MTUS2: variants seen among roughly 807,000 people sequenced by gnomAD.
The protein encoded by MTUS2 is microtubule associated scaffold protein 2, also known as microtubule-associated tumor suppressor candidate 2.
MTUS2 carries 40 observed loss-of-function variants against 114.1 expected under a neutral mutation model. The ratio of observed to expected loss-of-function variants is 0.35; its 90% CI spans 0.27 to 0.46. The LOEUF (loss-of-function observed/expected upper bound fraction) is 0.46, where lower values mean the gene tolerates loss of function less well. Ranked by LOEUF, MTUS2 falls within the 20% of genes least tolerant of loss-of-function variation. The probability of loss-of-function intolerance (pLI) is 1.00; values close to 1 mark genes in which losing one functional copy is unlikely to be tolerated. For synonymous variants in MTUS2, 688 were observed against 672.0 expected, an observed-to-expected ratio of 1.02 and a Z score of -0.37; for missense variants, 1,679 against 1,705.4, an observed-to-expected ratio of 0.98 and a Z score of 0.27.
chr13:29,069,761 G>A (rs1226216483), intron 4 of MTUS2, among the ~76,000 whole-genome samples: 1 of 152,192 alleles, frequency 6.6e-6, no homozygotes, highest in Non-Finnish European at 1.5e-5. Flanking sequence ...GAAGCGTATG[G>A]CCCTTGCAAT....
At chr13:29,365,435 C>T (rs1870620653) in intron 8 of MTUS2, among the ~76,000 whole-genome samples, 4 of 151,964 alleles carry the variant, frequency 2.6e-5, no homozygotes, top group African/African-American at 7.3e-5. Context: ...AGATACCTGA[C>T]CAAGGTGAAA....
intron 2 of MTUS2, among the ~76,000 whole-genome samples, chr13:28,903,748 A>G (rs1323394318): frequency 2.6e-5 from 4 of 152,102 alleles, no homozygotes; most frequent in Non-Finnish European, 4.4e-5. Context: ...TTATAGCAGC[A>G]TGATTTATAA....
chr13:29,256,327 C>T (rs1897282119), intron 5 of MTUS2, among the ~76,000 whole-genome samples: 1 of 152,214 alleles, frequency 6.6e-6, no homozygotes, highest in Non-Finnish European at 1.5e-5. Flanking sequence ...TGGGGCATCT[C>T]ATCCTGGGCT....
At chr13:29,070,077 A>G (rs998612653) in intron 4 of MTUS2, among the ~76,000 whole-genome samples, 2 of 152,322 alleles carry the variant, frequency 1.3e-5, no homozygotes, top group South Asian at 2.1e-4. Context: ...GGTAGATGGA[A>G]TCTCATGCTG....
intron 8 of MTUS2, among the ~76,000 whole-genome samples, chr13:29,410,448 A>G (rs1410941833): frequency 6.6e-6 from 1 of 152,176 alleles, no homozygotes; most frequent in African/African-American, 2.4e-5. Flanking sequence ...GTTGCAGCCA[A>G]GTAGGTGAGA....
In MTUS2 at chr13:28,831,799, C is replaced by G. The variant is rs568085158; in HGVS notation, c.-315-7979C>G. ...TGAGACAGAGTCTCACTCTGCTGCT[C>G]AGGCTGGAGTGCAGTGGTGCCATCT... On this transcript the variant is annotated intron_variant, in intron 1 of 15. Transcript: ENST00000612955. Among the ~76,000 whole-genome samples the G allele has an allele frequency of 3.3e-5, 5 of 151,556 alleles. No individual in the cohort carries two copies. The East Asian group carries it at 5.9e-4, about 18-fold the overall frequency.
At chr13:28,924,156 G>C (rs1881200373) in intron 2 of MTUS2, among the ~76,000 whole-genome samples, 1 of 152,210 alleles carries the variant, frequency 6.6e-6, no homozygotes, top group African/African-American at 2.4e-5. Context: ...TTCTGCTTTT[G>C]GGAGGGGGGT....
chr13:29,046,679 A>G (rs1410326448), intron 4 of MTUS2, among the ~76,000 whole-genome samples: 3 of 152,174 alleles, frequency 2.0e-5, no homozygotes, highest in East Asian at 1.9e-4. Flanking sequence ...TTTCTCTTCA[A>G]ATAACTGGAT....
chr13:29,095,614 C>T (rs1220045828), intron 4 of MTUS2, among the ~76,000 whole-genome samples: 1 of 152,006 alleles, frequency 6.6e-6, no homozygotes, highest in Non-Finnish European at 1.5e-5. Context: ...TATGATGTTG[C>T]ACTTAATGAT....
At chr13:29,163,799 A>G (rs757556806) in intron 5 of MTUS2, among the ~76,000 whole-genome samples, 1 of 152,156 alleles carries the variant, frequency 6.6e-6, no homozygotes, top group Non-Finnish European at 1.5e-5. Flanking sequence ...CCTATGCATG[A>G]GACACTTTTT....
chr13:29,299,936 A>G (rs1309612345), intron 6 of MTUS2, among the ~76,000 whole-genome samples: 1 of 152,110 alleles, frequency 6.6e-6, no homozygotes, highest in Non-Finnish European at 1.5e-5. Context: ...GTCCAGTAAA[A>G]TTCATTGGAA....
chr13:28,953,302 A>G (rs1324728435), intron 2 of MTUS2, among the ~76,000 whole-genome samples: 1 of 152,024 alleles, frequency 6.6e-6, no homozygotes, highest in Non-Finnish European at 1.5e-5. Context: ...TGAGGTCAGT[A>G]GTTTGAGACC....
chr13:29,340,655 A>G (rs956219271), intron 7 of MTUS2, among the ~76,000 whole-genome samples: 3 of 152,012 alleles, frequency 2.0e-5, no homozygotes, highest in Non-Finnish European at 4.4e-5. Flanking sequence ...TTTATTTTTT[A>G]AAATTATTTC....
At chr13:29,373,352 A>G (rs1181310901) in intron 8 of MTUS2, among the ~76,000 whole-genome samples, 1 of 152,150 alleles carries the variant, frequency 6.6e-6, no homozygotes, top group Non-Finnish European at 1.5e-5. Flanking sequence ...CACAAACAGG[A>G]GTGCAGTTGT....
chr13:29,034,012 T>C lies in MTUS2; in HGVS notation c.2333T>C (p.Leu778Ser). 1 of 1,614,038 alleles carries C rather than the reference T, an allele frequency of 6.2e-7. No homozygotes were observed. Residue 778 changes from leucine (L) to serine (S), a missense_variant, in exon 4 of 16, where the codon TTA becomes TCA. This residue lies in a region of MTUS2 where 822 missense variants were observed against 899.7 expected (regional missense o/e 0.91). Coordinates refer to ENST00000612955, the MANE Select transcript of MTUS2 (RefSeq NM_001033602.4). ...PQLGLGAMSR[L>S]PSAKSRILIA... ...CTAGGATTGGGTGCAATGTCCCGTT[T>C]ACCATCTGCAAAGAGCAGGATTCTG...
At chr13:29,391,582 AG>A (rs1873469055) in intron 8 of MTUS2, among the ~76,000 whole-genome samples, 1 of 152,010 alleles carries the variant, frequency 6.6e-6, no homozygotes, top group Non-Finnish European at 1.5e-5. Flanking sequence ...TGAGAGATTT[AG>A]GGAATCTTCC....
chr13:29,375,432 CCG>C (rs1871523772), intron 8 of MTUS2, among the ~76,000 whole-genome samples: 1 of 120,968 alleles, frequency 8.3e-6, no homozygotes, highest in Non-Finnish European at 1.8e-5. Flanking sequence ...ATGGCAAAAA[CCG>C]CAATTACTTA....
At chr13:29,469,847 A>T (rs7984777) in intron 9 of MTUS2, among the ~76,000 whole-genome samples, 3,448 of 142,554 alleles carry the variant, frequency 0.024, 80 homozygotes, top group African/African-American at 0.068. Context: ...TAGTTTTTTT[A>T]AAAAAAAAAG....
At chr13:28,905,082 T>A (rs2137978238) in intron 2 of MTUS2, among the ~76,000 whole-genome samples, 1 of 151,704 alleles carries the variant, frequency 6.6e-6, no homozygotes, top group East Asian at 1.9e-4. Context: ...TAAGAATGCT[T>A]GTGATTTTTG....
Sources: gnomAD v4.1 joint callset for allele counts (sites outside exome capture counted in the v4.1 genomes callset) on GRCh38, gnomAD v4.1.1 for gene constraint, gnomAD v4.1.1 regional missense constraint, MANE v1.5 for transcripts, NCBI Gene and HGNC (gene_info 2026-07-23, HGNC 2026-07-21) for gene names.